PLEKHA5: variants seen among roughly 807,000 people sequenced by gnomAD.
PLEKHA5 encodes pleckstrin homology domain containing A5, also known as pleckstrin homology domain-containing family A member 5.
In PLEKHA5, 55 loss-of-function variants were observed where a neutral mutation model predicts 181.9. The observed-to-expected ratio is 0.30, with a 90% CI of 0.24 to 0.38. The LOEUF (loss-of-function observed/expected upper bound fraction) is 0.38, where lower values mean the gene tolerates loss of function less well. Ranked by LOEUF, PLEKHA5 falls within the 10% of genes least tolerant of loss-of-function variation. PLEKHA5 has a pLI of 1.00. For missense variants in PLEKHA5, 1,432 were observed against 1,549.5 expected, an observed-to-expected ratio of 0.92 and a Z score of 1.27; for synonymous variants, 535 against 529.4, an observed-to-expected ratio of 1.01 and a Z score of -0.15.
At position 19,270,108 on chromosome 12, in the gene PLEKHA5, T is replaced by C. The variant is rs371595765; in HGVS notation, c.828-80T>C. The C allele has an allele frequency of 8.6e-5, 72 of 841,654 alleles. 2 individuals carry two copies. The South Asian group carries it at 1.3e-3, about 16-fold the overall frequency. 52.1% of individuals were successfully genotyped at this position (841,654 alleles called of 1,614,324 possible). ...TATTCCACTTTTCTTCTTTTTCTTC[T>C]TTATTCATTTTCACCTATCGGTGTA... On this transcript the variant is annotated intron_variant, in intron 9 of 31. Coordinates refer to ENST00000429027, the MANE Select transcript of PLEKHA5 (RefSeq NM_001256470.2).
rs78741536 is a variant in PLEKHA5, at chr12:19,146,081, C to A, written c.227+13631C>A. On this transcript the variant is annotated intron_variant, in intron 3 of 31. Coordinates refer to ENST00000429027, the MANE Select transcript of PLEKHA5 (RefSeq NM_001256470.2). ...CTCTGAGAATTAGGGTTGGCCAAAT[C>A]ATTGGAGACATTTGCCAATCACATT... Among the ~76,000 whole-genome samples the A allele has an allele frequency of 4.2e-3, 647 of 152,298 alleles. 1 individual carries two copies. Among genetic ancestry groups the A allele is most frequent in the Non-Finnish European group, 6.8e-3 (463 of 68,022 alleles).
At chr12:19,179,140 T>C (rs972446725) in intron 3 of PLEKHA5, among the ~76,000 whole-genome samples, 3 of 152,234 alleles carry the variant, frequency 2.0e-5, no homozygotes, top group East Asian at 3.8e-4. Context: ...CAGTTGCAGT[T>C]TTTTAAAATG....
At chr12:19,360,522 T>C (rs149585803) in intron 28 of PLEKHA5, among the ~76,000 whole-genome samples, 17 of 151,452 alleles carry the variant, frequency 1.1e-4, no homozygotes, top group Admixed American at 1.3e-4. Flanking sequence ...GAGAATCGCT[T>C]GAACCCGGGA....
intron 3 of PLEKHA5, among the ~76,000 whole-genome samples, chr12:19,176,137 ACAATG>A (rs1243864914): frequency 3.3e-5 from 5 of 152,148 alleles, no homozygotes; most frequent in Non-Finnish European, 7.4e-5. Context: ...ATAACAAGAT[ACAATG>A]TTGTATAGCT....
intron 3 of PLEKHA5, among the ~76,000 whole-genome samples, chr12:19,224,293 G>C (rs1317599549): frequency 6.6e-6 from 1 of 152,154 alleles, no homozygotes; most frequent in Non-Finnish European, 1.5e-5. Flanking sequence ...CTCAAGTATG[G>C]TTAATAGTAC....
intron 15 of PLEKHA5, chr12:19,307,192 G>C: frequency 1.5e-6 from 1 of 654,124 alleles, no homozygotes; most frequent in Admixed American, 2.3e-5. Flanking sequence ...AGAGAAAGGG[G>C]CCCCACATGG....
chr12:19,142,828 T>C (rs867305708), intron 3 of PLEKHA5, among the ~76,000 whole-genome samples: 4 of 152,206 alleles, frequency 2.6e-5, no homozygotes, highest in Non-Finnish European at 5.9e-5. Flanking sequence ...ATTTCTATTC[T>C]ATTTTTATGT....
rs932821383 is a variant in PLEKHA5, at chr12:19,291,813, A to G, written c.2037+116A>G. ...ACGTTGAATTAATAACATGACTTTT[A>G]CAAGTGATAGAATATGAAATCTCTG... On this transcript the variant is annotated intron_variant, in intron 15 of 31. Transcript: ENST00000429027. The G allele has an allele frequency of 6.9e-5, 39 of 562,348 alleles. No individual in the cohort carries two copies. In the African/African-American group the frequency reaches 6.9e-4, roughly 10 times the overall value. 34.8% of individuals were successfully genotyped at this position (562,348 alleles called of 1,614,324 possible).
chr12:19,336,521 G>T lies in PLEKHA5; in HGVS notation c.2455G>T (p.Glu819Ter). 1 of 1,587,268 alleles carries T rather than the reference G, an allele frequency of 6.3e-7. No individual in the cohort carries two copies. Among genetic ancestry groups the T allele is most frequent in the South Asian group, 1.1e-5 (1 of 88,684 alleles). Reference sequence around the variant, plus strand: ...TAACACTTTTTGGTTTTAGGAATTGGAACGAGCATGGAGAGAATATGATAA... The same window carrying T: ...TAACACTTTTTGGTTTTAGGAATTGTAACGAGCATGGAGAGAATATGATAA... The part of the protein sequence containing the change: ...RELSRATAEL[E>*]RAWREYDKLE... The change falls in exon 21 of 32, where the codon GAA (glutamate) becomes TAA (stop). Residue 819 changes from glutamate to a stop codon, truncating the protein, a stop_gained. Coordinates refer to ENST00000429027, the MANE Select transcript of PLEKHA5 (RefSeq NM_001256470.2). LOFTEE classifies it high-confidence loss of function.
In PLEKHA5 at chr12:19,369,628, G is replaced by A. The variant is rs145809960; in HGVS notation, c.3755-65G>A. The A allele has an allele frequency of 4.3e-4, 397 of 926,476 alleles. 1 individual carries two copies. The African/African-American group carries it at 5.9e-3, about 14-fold the overall frequency. 57.4% of individuals were successfully genotyped at this position (926,476 alleles called of 1,614,324 possible). On this transcript the variant is annotated intron_variant, in intron 30 of 31. Coordinates refer to ENST00000429027, the MANE Select transcript of PLEKHA5 (RefSeq NM_001256470.2). ...TAATTTTTGTGGGATTACAGCATCA[G>A]GATTTACTTCTCCAAATGTGTCTTA...
intron 11 of PLEKHA5, among the ~76,000 whole-genome samples, chr12:19,282,071 T>C (rs964484450): frequency 1.8e-4 from 27 of 152,172 alleles, no homozygotes; most frequent in African/African-American, 5.8e-4. Context: ...CGTGAGCCAC[T>C]GCGCCCGGCC....
chr12:19,164,205 T>TG (rs1415676559), intron 3 of PLEKHA5, among the ~76,000 whole-genome samples: 1 of 146,842 alleles, frequency 6.8e-6, no homozygotes, highest in Non-Finnish European at 1.5e-5. Flanking sequence ...TTGTTTTTTT[T>TG]TTTTTTTTTT....
intron 10 of PLEKHA5, among the ~76,000 whole-genome samples, chr12:19,271,495 C>A (rs1200895520): frequency 4.0e-5 from 6 of 151,700 alleles, no homozygotes; most frequent in Non-Finnish European, 8.8e-5. Context: ...CGGAGTGAGA[C>A]CCTGTCAAAA....
chr12:19,302,875 A>C (rs551937654), intron 15 of PLEKHA5, among the ~76,000 whole-genome samples: 2 of 145,370 alleles, frequency 1.4e-5, no homozygotes, highest in South Asian at 4.6e-4. Context: ...CATCACAGAA[A>C]GTTCTGTTGG....
chr12:19,129,754 CGCGGCGGCAGCAGGAGAAG>C lies in PLEKHA5; in HGVS notation c.-37_-19del. 6.8e-7 allele frequency: 1 copy of C among 1,460,994 alleles called. No homozygotes were observed. The highest frequency in any genetic ancestry group is 9.5e-7 in the Non-Finnish European group (1 of 1,055,884). 90.5% of individuals were successfully genotyped at this position (1,460,994 alleles called of 1,614,324 possible). The stretch of plus-strand genomic sequence containing the variant: ...GCTCGTTCCCTCCTCCCTCGGCAGC[CGCGGCGGCAGCAGGAGAAG>C]GCGGCGGCGGCGGCTAGGGATCAGA... On this transcript the variant is annotated 5_prime_UTR_variant, in exon 1 of 32. Coordinates refer to ENST00000429027, the MANE Select transcript of PLEKHA5 (RefSeq NM_001256470.2).
At position 19,132,401 on chromosome 12, in the gene PLEKHA5, A is replaced by G. The variant is rs774941233; in HGVS notation, c.178A>G (p.Thr60Ala). ...GHRRQSTDLP[T>A]GWEEAYTFEG... is the part of the protein sequence containing the mutation. ...TATATGTATTGTTTTAGATTTGCCT[A>G]CTGGCTGGGAAGAAGCATATACTTT... Residue 60 changes from threonine (T) to alanine (A), a missense_variant, in exon 3 of 32, where the codon ACT (threonine) becomes GCT (alanine). Thr to Ala is a moderately conservative substitution (Grantham distance 58). Coordinates refer to ENST00000429027, the MANE Select transcript of PLEKHA5 (RefSeq NM_001256470.2). The G allele has an allele frequency of 2.6e-6, 4 of 1,521,194 alleles. No individual in the cohort carries two copies. The highest frequency in any genetic ancestry group is 2.3e-5 in the South Asian group (2 of 85,914). 94.2% of individuals were successfully genotyped at this position (1,521,194 alleles called of 1,614,324 possible). A position where few individuals can be genotyped will look rare whatever the true frequency, so the allele number is the denominator to read the frequency against.
At chr12:19,329,043 A>G (rs1565623609) in intron 20 of PLEKHA5, among the ~76,000 whole-genome samples, 1 of 152,180 alleles carries the variant, frequency 6.6e-6, no homozygotes, top group Non-Finnish European at 1.5e-5. Context: ...GGTTTTTATC[A>G]TGAAGAGATG....
rs71064064 is a variant in PLEKHA5 at position 19,173,005 on chromosome 12, CTTTTTTTTTTTTTTTTT to C, written c.227+40568_227+40584del. 5.1e-4 allele frequency among the ~76,000 whole-genome samples: 17 copies of C among 33,552 alleles called. 1 individual carries two copies. Among genetic ancestry groups the C allele is most frequent in the South Asian group, 2.1e-3 (1 of 484 alleles). 22.0% of individuals were successfully genotyped at this position (33,552 alleles called of 152,430 possible). A position where few individuals can be genotyped will look rare whatever the true frequency, so the allele number is the denominator to read the frequency against. On this transcript the variant is annotated intron_variant, in intron 3 of 31. Coordinates refer to ENST00000429027, the MANE Select transcript of PLEKHA5 (RefSeq NM_001256470.2). The stretch of plus-strand genomic sequence containing the variant: ...AGAAAATTGCTACTGATTTCCCTTT[CTTTTTTTTTTTTTTTTT>C]TTTTTTTTTTTTGAGACGGAGTCTC...
chr12:19,373,433 C>T (rs2095635249), intron 31 of PLEKHA5: 4 of 150,232 alleles, frequency 2.7e-5, no homozygotes, highest in Admixed American at 2.0e-4. Context: ...AATCCCAGCA[C>T]TTTGGGAGGC....
Sources: gnomAD v4.1 joint callset for allele counts (sites outside exome capture counted in the v4.1 genomes callset) on GRCh38, gnomAD v4.1.1 for gene constraint, MANE v1.5 for transcripts, NCBI Gene and HGNC (gene_info 2026-07-23, HGNC 2026-07-21) for gene names.